KCNQ5: variants seen among roughly 807,000 people sequenced by gnomAD.
The protein encoded by KCNQ5 is potassium voltage-gated channel subfamily Q member 5.
Under a neutral mutation model 98.2 loss-of-function variants are expected in KCNQ5, and 30 were observed. The ratio of observed to expected loss-of-function variants is 0.31; its 90% confidence interval spans 0.23 to 0.41. The LOEUF (loss-of-function observed/expected upper bound fraction) is 0.41, where lower values mean the gene tolerates loss of function less well. Among genes scored for constraint, KCNQ5 ranks in the 10% least tolerant of loss-of-function variants. The pLI is 1.00. For synonymous variants in KCNQ5, 458 were observed against 449.4 expected (o/e 1.02, Z -0.24); for missense variants, 835 against 1,182.5 (o/e 0.71, Z 4.31).
chr6:72,948,003 G>A (rs1766626715), intron 1 of KCNQ5, among the ~76,000 whole-genome samples: 1 of 152,066 alleles, frequency 6.6e-6, no homozygotes, highest in South Asian at 2.1e-4. Flanking sequence ...CTTATAAAAT[G>A]TTGTGGAGAG....
At chr6:72,969,817 T>G (rs2150281971) in intron 1 of KCNQ5, among the ~76,000 whole-genome samples, 1 of 152,338 alleles carries the variant, frequency 6.6e-6, no homozygotes, top group Non-Finnish European at 1.5e-5. Flanking sequence ...TGATGTTGTC[T>G]GGGAGTATCT....
At chr6:72,747,504 A>G (rs1237763021) in intron 1 of KCNQ5, among the ~76,000 whole-genome samples, 1 of 152,170 alleles carries the variant, frequency 6.6e-6, no homozygotes, top group Non-Finnish European at 1.5e-5. Context: ...CTGTTTCATG[A>G]TGGCAAATTA....
chr6:73,151,547 A>G (rs540717611), intron 10 of KCNQ5, among the ~76,000 whole-genome samples: 1 of 152,358 alleles, frequency 6.6e-6, no homozygotes, highest in South Asian at 2.1e-4. Flanking sequence ...CTTTTCCTGT[A>G]GTAAATAAAT....
intron 1 of KCNQ5, among the ~76,000 whole-genome samples, chr6:72,863,898 A>G (rs775616114): frequency 2.0e-5 from 3 of 152,236 alleles, no homozygotes; most frequent in Non-Finnish European, 2.9e-5. Context: ...AGTAAACAAT[A>G]AAAGTATGAA....
At chr6:72,660,094 G>A (rs1479640885) in intron 1 of KCNQ5, among the ~76,000 whole-genome samples, 1 of 152,146 alleles carries the variant, frequency 6.6e-6, no homozygotes, top group Admixed American at 6.6e-5. Context: ...TGTTGAGGAT[G>A]TTTATGCAGT....
At chr6:73,078,619 T>C (rs1220716065) in intron 5 of KCNQ5, among the ~76,000 whole-genome samples, 1 of 152,170 alleles carries the variant, frequency 6.6e-6, no homozygotes, top group Non-Finnish European at 1.5e-5. Context: ...AATGTGCAAA[T>C]AGAGGCAAAA....
At chr6:72,869,728 C>G (rs1309470115) in intron 1 of KCNQ5, among the ~76,000 whole-genome samples, 1 of 152,040 alleles carries the variant, frequency 6.6e-6, no homozygotes, top group African/African-American at 2.4e-5. Context: ...GTGGTGTTTT[C>G]GAGTAATGTG....
chr6:73,161,299 G>A (rs1437617279), intron 10 of KCNQ5, among the ~76,000 whole-genome samples: 1 of 152,190 alleles, frequency 6.6e-6, no homozygotes, highest in Non-Finnish European at 1.5e-5. Context: ...GGTTTCCAGA[G>A]GCTGGGAAGA....
intron 5 of KCNQ5, among the ~76,000 whole-genome samples, chr6:73,103,801 C>T (rs1774894283): frequency 6.6e-6 from 1 of 151,810 alleles, no homozygotes; most frequent in African/African-American, 2.4e-5. Context: ...TTTGAAAGTA[C>T]AAAAGTGTGA....
chr6:72,808,673 C>T (rs973187198), intron 1 of KCNQ5, among the ~76,000 whole-genome samples: 3 of 152,070 alleles, frequency 2.0e-5, no homozygotes, highest in Admixed American at 6.5e-5. Flanking sequence ...CACTGCCGGG[C>T]GCGGTGGCTC....
At chr6:73,074,810 T>C (rs79522203) in intron 3 of KCNQ5, among the ~76,000 whole-genome samples, 1 of 151,982 alleles carries the variant, frequency 6.6e-6, no homozygotes, top group East Asian at 1.9e-4. Flanking sequence ...TAGTAAGTTT[T>C]AAGTGTAGTA....
At chr6:72,884,337 C>A (rs1332688394) in intron 1 of KCNQ5, among the ~76,000 whole-genome samples, 1 of 151,948 alleles carries the variant, frequency 6.6e-6, no homozygotes, top group South Asian at 2.1e-4. Flanking sequence ...GAGCCAAAAC[C>A]TTTTAAAGGG....
intron 1 of KCNQ5, among the ~76,000 whole-genome samples, chr6:72,737,344 AG>A (rs1265329198): frequency 3.9e-5 from 6 of 152,250 alleles, no homozygotes; most frequent in Non-Finnish European, 5.9e-5. Context: ...TAATGAAAGA[AG>A]AAAAAATACG....
intron 1 of KCNQ5, among the ~76,000 whole-genome samples, chr6:73,001,298 C>T (rs1438531866): frequency 6.6e-6 from 1 of 152,134 alleles, no homozygotes; most frequent in Non-Finnish European, 1.5e-5. Context: ...GATTTTAATT[C>T]CTAGTGGTAA....
intron 1 of KCNQ5, among the ~76,000 whole-genome samples, chr6:72,911,770 A>G (rs932140866): frequency 5.3e-5 from 8 of 152,110 alleles, no homozygotes; most frequent in African/African-American, 1.9e-4. Flanking sequence ...AGAACATCCT[A>G]TGTTTTTATG....
At chr6:72,942,587 T>G (rs1243255586) in intron 1 of KCNQ5, among the ~76,000 whole-genome samples, 2 of 152,232 alleles carry the variant, frequency 1.3e-5, no homozygotes, top group African/African-American at 4.8e-5. Context: ...TACTTTTAAC[T>G]TTTCAGATTA....
chr6:72,914,260 G>A (rs762111587), intron 1 of KCNQ5, among the ~76,000 whole-genome samples: 13 of 152,020 alleles, frequency 8.6e-5, no homozygotes, highest in East Asian at 3.9e-4. Flanking sequence ...CATCTGGAGC[G>A]CTTACTCAGT....
chr6:72,932,147 G>A (rs1014732159), intron 1 of KCNQ5, among the ~76,000 whole-genome samples: 1 of 152,128 alleles, frequency 6.6e-6, no homozygotes, highest in Admixed American at 6.6e-5. Flanking sequence ...TCAGTAGCTG[G>A]CTTATCTGAG....
At chr6:73,003,847 A>G in intron 1 of KCNQ5, 61 bp from the exon 2 acceptor site, 3 of 1,134,856 alleles carry the variant, frequency 2.6e-6, no homozygotes, top group Non-Finnish European at 4.0e-6. Flanking sequence ...TGAAGCAAGA[A>G]ATTAAGTCTG....
Sources: allele counts gnomAD v4.1 joint callset (sites outside exome capture counted in the v4.1 genomes callset), GRCh38; gene constraint gnomAD v4.1.1; transcripts MANE v1.5; gene names NCBI Gene and HGNC (gene_info 2026-07-23, HGNC 2026-07-21).